Variants in STAG1 observed in about 807,000 individuals in gnomAD.
STAG1 encodes cohesin subunit SA-1.
In STAG1, 26 loss-of-function variants were observed where a neutral mutation model predicts 170.9. The observed-to-expected ratio is 0.15, with a 90% CI of 0.11 to 0.21. The LOEUF (loss-of-function observed/expected upper bound fraction) is 0.21, where lower values mean the gene tolerates loss of function less well. STAG1 is among the 10% of genes least tolerant of loss of function. STAG1 has a pLI of 1.00. For synonymous variants in STAG1, 514 were observed against 497.7 expected, an observed-to-expected ratio of 1.03 and a Z score of -0.44; for missense variants, 964 against 1,509.5, an observed-to-expected ratio of 0.64 and a Z score of 5.99.
At chr3:136,583,583 G>A (rs1937653590) in intron 4 of STAG1, among the ~76,000 whole-genome samples, 1 of 152,160 alleles carries the variant, frequency 6.6e-6, no homozygotes, top group Non-Finnish European at 1.5e-5. Flanking sequence ...AAGGTCAGGA[G>A]TTCGACACCA....
At chr3:136,720,793 A>AAAAAAAG (rs1352712378) in intron 1 of STAG1, among the ~76,000 whole-genome samples, 2 of 152,082 alleles carry the variant, frequency 1.3e-5, no homozygotes, top group Non-Finnish European at 2.9e-5. Flanking sequence ...CATCTCAAAA[A>AAAAAAAG]AAAAAGAAAA....
At chr3:136,379,703 T>C (rs562067007) in intron 22 of STAG1, among the ~76,000 whole-genome samples, 250 of 152,230 alleles carry the variant, frequency 1.6e-3, no homozygotes, top group South Asian at 3.9e-3. Context: ...AGCAAGACTC[T>C]ATCTCAACAA....
chr3:136,454,926 T>A (rs1374186445), intron 13 of STAG1, among the ~76,000 whole-genome samples: 3 of 152,186 alleles, frequency 2.0e-5, no homozygotes, highest in African/African-American at 7.2e-5. Flanking sequence ...CTCCTGGGGA[T>A]ACACCATAGC....
At chr3:136,738,751 T>G (rs1432543810) in intron 1 of STAG1, among the ~76,000 whole-genome samples, 2 of 152,204 alleles carry the variant, frequency 1.3e-5, no homozygotes, top group Non-Finnish European at 2.9e-5. Context: ...TTAATAGCAA[T>G]GTATATTGGA....
chr3:136,710,982 A>T (rs1943366680), intron 1 of STAG1, among the ~76,000 whole-genome samples: 1 of 151,968 alleles, frequency 6.6e-6, no homozygotes, highest in Non-Finnish European at 1.5e-5. Flanking sequence ...TATAGAATAT[A>T]ATTTTTCACA....
At chr3:136,453,949 C>T (rs2089024179) in intron 13 of STAG1, among the ~76,000 whole-genome samples, 2 of 151,380 alleles carry the variant, frequency 1.3e-5, no homozygotes, top group Admixed American at 6.6e-5. Context: ...AGGAGGAAGG[C>T]ATATTAGGGG....
At chr3:136,498,267 CA>C (rs1390353123) in intron 9 of STAG1, among the ~76,000 whole-genome samples, 6 of 56,668 alleles carry the variant, frequency 1.1e-4, no homozygotes, top group Non-Finnish European at 1.7e-4. Context: ...CACACACACA[CA>C]CACACCACAC....
intron 1 of STAG1, among the ~76,000 whole-genome samples, chr3:136,702,291 AAAATT>A (rs1213449165): frequency 6.6e-6 from 1 of 152,206 alleles, no homozygotes; most frequent in Non-Finnish European, 1.5e-5. Flanking sequence ...CACTACTTAT[AAAATT>A]ATTTCCAATA....
Position 136,662,723 on chromosome 3 carries a change from G to A in STAG1, c.-83-31742C>T, listed in dbSNP as rs551600537. ...GCCCCCCAAAGTACTAGGATTACAG[G>A]CAAAAGCCACCGCACCCAGCCTTAG... On this transcript the variant is annotated intron_variant, in intron 1 of 33. Transcript: ENST00000383202. Among the ~76,000 whole-genome samples the A allele has an allele frequency of 1.3e-3, 205 of 152,268 alleles. 1 individual carries two copies. The highest frequency in any genetic ancestry group is 3.8e-4 in the Non-Finnish European group (26 of 68,014).
chr3:136,341,659 A>C lies in STAG1; in HGVS notation c.3447-108T>G, dbSNP rs1935974226. ...GGTTTACTTAATCCCATGTTGGAGG[A>C]ATTAGCTGGATTTATTCTGGTGCCT... On this transcript the variant is annotated intron_variant, in intron 30 of 33. Transcript: ENST00000383202. 7 of 677,010 alleles carry C rather than the reference A, an allele frequency of 1.0e-5. No homozygotes were observed. The East Asian group carries it at 1.9e-4, about 18-fold the overall frequency. The allele number at this position is 677,010 out of a possible 1,614,324, so 41.9% of individuals were successfully genotyped here.
intron 1 of STAG1, among the ~76,000 whole-genome samples, chr3:136,690,555 T>C (rs929654745): frequency 1.3e-5 from 2 of 152,144 alleles, no homozygotes; most frequent in South Asian, 2.1e-4. Context: ...TTTGTTCCTA[T>C]AACATTTTAC....
At chr3:136,540,760 T>TA (rs1282795968) in intron 6 of STAG1, among the ~76,000 whole-genome samples, 2 of 127,876 alleles carry the variant, frequency 1.6e-5, no homozygotes, top group Non-Finnish European at 3.1e-5. Context: ...AGGTAGAGGT[T>TA]AAAGTAAGCT....
chr3:136,449,894 T>C (rs1442376669), intron 14 of STAG1, among the ~76,000 whole-genome samples: 4 of 148,470 alleles, frequency 2.7e-5, no homozygotes, highest in East Asian at 1.9e-4. Flanking sequence ...TCTGAAACTA[T>C]TGTTGCTTTT....
chr3:136,586,474 A>G (rs1264194918), intron 4 of STAG1, among the ~76,000 whole-genome samples: 1 of 152,200 alleles, frequency 6.6e-6, no homozygotes, highest in African/African-American at 2.4e-5. Flanking sequence ...AAAAATAATA[A>G]CATCAATATA....
intron 1 of STAG1, among the ~76,000 whole-genome samples, chr3:136,659,342 T>C (rs1941498421): frequency 6.6e-6 from 1 of 152,220 alleles, no homozygotes; most frequent in Admixed American, 6.5e-5. Context: ...AGCTGTTCTG[T>C]TAACTTCAAG....
At chr3:136,669,087 T>C (rs1297665561) in intron 1 of STAG1, among the ~76,000 whole-genome samples, 1 of 152,174 alleles carries the variant, frequency 6.6e-6, no homozygotes, top group African/African-American at 2.4e-5. Flanking sequence ...TTTTGTTGTA[T>C]TTACTCCATT....
chr3:136,672,690 C>T (rs575988266), intron 1 of STAG1, among the ~76,000 whole-genome samples: 1 of 152,260 alleles, frequency 6.6e-6, no homozygotes, highest in South Asian at 2.1e-4. Flanking sequence ...TTTAACCACT[C>T]CACTCCACCC....
chr3:136,749,422 G>T (rs997857185), intron 1 of STAG1, among the ~76,000 whole-genome samples: 1 of 152,170 alleles, frequency 6.6e-6, no homozygotes, highest in African/African-American at 2.4e-5. Context: ...CTATCACAAG[G>T]AAATTAATTG....
At chr3:136,687,752 T>C (rs189034413) in intron 1 of STAG1, among the ~76,000 whole-genome samples, 2,532 of 151,982 alleles carry the variant, frequency 0.017, 37 homozygotes, top group Non-Finnish European at 0.027. Flanking sequence ...TTTTTTTTTT[T>C]TTGAGGCAGA....
Sources: gnomAD v4.1 joint callset for allele counts (sites outside exome capture counted in the v4.1 genomes callset) on GRCh38, gnomAD v4.1.1 for gene constraint, MANE v1.5 for transcripts, NCBI Gene and HGNC (gene_info 2026-07-23, HGNC 2026-07-21) for gene names.